LEF1: variants seen among roughly 807,000 people sequenced by gnomAD.
LEF1 encodes lymphoid enhancer binding factor 1.
A neutral mutation model predicts 51.2 loss-of-function variants in LEF1; 14 were observed. That is an observed-to-expected ratio of 0.27 (90% CI 0.18 to 0.43). LEF1 has a LOEUF of 0.43. LEF1 is among the 20% of genes least tolerant of loss of function. The pLI, the probability that LEF1 is intolerant of heterozygous loss-of-function variation, is 1.00. For synonymous variants in LEF1, 185 were observed against 183.2 expected (o/e 1.01, Z -0.08); for missense variants, 386 against 512.0 (o/e 0.75, Z 2.37).
chr4:108,137,295 A>T (rs997778405), intron 3 of LEF1, among the ~76,000 whole-genome samples: 1 of 152,138 alleles, frequency 6.6e-6, no homozygotes, highest in African/African-American at 2.4e-5. Flanking sequence ...GGGATAAAAG[A>T]CTCCACACTG....
intron 11 of LEF1, among the ~76,000 whole-genome samples, chr4:108,050,340 G>A (rs1736895386): frequency 6.6e-6 from 1 of 152,166 alleles, no homozygotes; most frequent in Admixed American, 6.5e-5. Flanking sequence ...AAGAAGACTG[G>A]TGGAGCCGGA....
chr4:108,075,478 C>T (rs1005214329), intron 8 of LEF1: 1 of 152,194 alleles, frequency 6.6e-6, no homozygotes, highest in African/African-American at 2.4e-5. Context: ...TCATGAATTT[C>T]TTGAGAGGTT....
At chr4:108,099,125 C>T (rs553036786) in intron 3 of LEF1, among the ~76,000 whole-genome samples, 1 of 152,104 alleles carries the variant, frequency 6.6e-6, no homozygotes, top group East Asian at 1.9e-4. Context: ...TGATTACATG[C>T]TCAAATAACA....
intron 8 of LEF1, among the ~76,000 whole-genome samples, chr4:108,077,050 A>G (rs1221678975): frequency 6.9e-6 from 1 of 145,168 alleles, no homozygotes; most frequent in Non-Finnish European, 1.5e-5. Flanking sequence ...AAAAAGAATG[A>G]TAACAGGGCC....
chr4:108,050,740 G>T lies in LEF1; in HGVS notation c.*7-1989C>A, dbSNP rs779477175. ...GGCTAGCGCCTGAGACAAGCACTGG[G>T]ACTCAGAATAGACTCGCCATTGGCA... On this transcript the variant is annotated intron_variant, in intron 11 of 11. Transcript: ENST00000265165. Among the ~76,000 whole-genome samples, 77 of 152,334 alleles carry T rather than the reference G, an allele frequency of 5.1e-4. 1 individual carries two copies. In the Middle Eastern group the frequency reaches 0.017, roughly 34 times the overall value.
chr4:108,056,388 A>G (rs892140227), intron 11 of LEF1, among the ~76,000 whole-genome samples: 1 of 152,178 alleles, frequency 6.6e-6, no homozygotes, highest in Non-Finnish European at 1.5e-5. Flanking sequence ...AGATGCTCCT[A>G]TATCCTTAAA....
chr4:108,080,419 A>C (rs1739208455), intron 6 of LEF1, among the ~76,000 whole-genome samples: 1 of 152,246 alleles, frequency 6.6e-6, no homozygotes, highest in African/African-American at 2.4e-5. Context: ...TAATTCAGCA[A>C]GAACAACATT....
At chr4:108,125,336 T>C (rs1396760492) in intron 3 of LEF1, among the ~76,000 whole-genome samples, 1 of 152,126 alleles carries the variant, frequency 6.6e-6, no homozygotes, top group Non-Finnish European at 1.5e-5. Context: ...GTTAATTTTG[T>C]ATTTTTAGTA....
At chr4:108,137,859 A>G (rs1743397887) in intron 3 of LEF1, among the ~76,000 whole-genome samples, 1 of 152,214 alleles carries the variant, frequency 6.6e-6, no homozygotes, top group African/African-American at 2.4e-5. Context: ...TAACATGCCA[A>G]AATATAACAT....
At chr4:108,123,432 GTTTTTTTTTTTTTTTTTT>G (rs34015287) in intron 3 of LEF1, among the ~76,000 whole-genome samples, 2 of 72,370 alleles carry the variant, frequency 2.8e-5, no homozygotes, top group African/African-American at 1.3e-4. Context: ...GCTAGGGTTG[GTTTTTTTTTTTTTTTTTT>G]TTTTTTTTTA....
At chr4:108,064,989 G>C (rs1737972785) in intron 9 of LEF1, among the ~76,000 whole-genome samples, 2 of 152,174 alleles carry the variant, frequency 1.3e-5, no homozygotes, top group African/African-American at 4.8e-5. Context: ...GGAGAAGAGA[G>C]TGAGAGAACC....
intron 5 of LEF1, among the ~76,000 whole-genome samples, chr4:108,082,007 G>A (rs1739339580): frequency 6.6e-6 from 1 of 152,170 alleles, no homozygotes; most frequent in African/African-American, 2.4e-5. Flanking sequence ...CCTGAGAATA[G>A]TGAAATATTC....
intron 3 of LEF1, among the ~76,000 whole-genome samples, chr4:108,115,410 C>CT (rs1200066780): frequency 1.3e-5 from 2 of 152,098 alleles, no homozygotes; most frequent in African/African-American, 4.8e-5. Flanking sequence ...GAGAAAATTT[C>CT]TTTTTAAGTG....
chr4:108,149,327 C>G (rs1306677197), intron 3 of LEF1, among the ~76,000 whole-genome samples: 1 of 149,870 alleles, frequency 6.7e-6, no homozygotes, highest in Admixed American at 6.6e-5. Flanking sequence ...GGCGTGGTGG[C>G]GGGCGCCTGT....
At chr4:108,067,624 G>A (rs1738164827) in intron 9 of LEF1, among the ~76,000 whole-genome samples, 2 of 151,730 alleles carry the variant, frequency 1.3e-5, no homozygotes, top group Non-Finnish European at 2.9e-5. Context: ...CTTCCTCTCG[G>A]GTTCAAGCAA....
chr4:108,155,040 C>CA lies in LEF1; in HGVS notation c.414+8527dup, dbSNP rs969198808. Among the ~76,000 whole-genome samples, 511 of 148,982 alleles carry CA rather than the reference C, an allele frequency of 3.4e-3. 2 individuals carry two copies. Among genetic ancestry groups the CA allele is most frequent in the African/African-American group, 0.012 (488 of 40,664 alleles). ...TTAAGCCAGAAGGAAATTCGAAGGG[C>CA]AAAAAAAAATAACTTGCCCATTGTC... On this transcript the variant is annotated intron_variant, in intron 3 of 11. Coordinates refer to ENST00000265165, the MANE Select transcript of LEF1 (RefSeq NM_016269.5).
intron 3 of LEF1, among the ~76,000 whole-genome samples, chr4:108,090,932 A>T (rs990561041): frequency 3.3e-5 from 5 of 152,148 alleles, no homozygotes; most frequent in African/African-American, 4.8e-5. Context: ...CTGATTTTAA[A>T]CTAATCTAAT....
At chr4:108,095,772 TG>T (rs1156410875) in intron 3 of LEF1, among the ~76,000 whole-genome samples, 2 of 152,212 alleles carry the variant, frequency 1.3e-5, no homozygotes, top group Non-Finnish European at 2.9e-5. Context: ...TTAAGATTTC[TG>T]TTTTATCGAG....
chr4:108,099,570 G>GTGTA (rs1266681210), intron 3 of LEF1, among the ~76,000 whole-genome samples: 1,344 of 70,158 alleles, frequency 0.019, 198 homozygotes, highest in East Asian at 0.031. Context: ...GTGTGTGTGT[G>GTGTA]TATATATATA....
Sources: gnomAD v4.1 joint callset for allele counts (sites outside exome capture counted in the v4.1 genomes callset) on GRCh38, gnomAD v4.1.1 for gene constraint, MANE v1.5 for transcripts, NCBI Gene and HGNC (gene_info 2026-07-23, HGNC 2026-07-21) for gene names.